Variants in KSR1 observed in about 807,000 individuals in gnomAD.
KSR1 encodes the protein kinase suppressor of ras.
KSR1 carries 35 observed loss-of-function variants against 92.9 expected under a neutral mutation model. The observed-to-expected ratio is 0.38, with a 90% confidence interval of 0.29 to 0.50. The LOEUF is 0.50. Ranked by LOEUF, KSR1 falls within the 20% of genes least tolerant of loss-of-function variation. The pLI is 0.94. For synonymous variants in KSR1, 467 were observed against 472.6 expected (o/e 0.99, Z 0.15); for missense variants, 972 against 1,158.5 (o/e 0.84, Z 2.34).
At chr17:27,487,666 G>GT (rs145920563) in intron 1 of KSR1, among the ~76,000 whole-genome samples, 5,565 of 150,722 alleles carry the variant, frequency 0.037, 271 homozygotes, top group African/African-American at 0.12. Flanking sequence ...AAATTTTATG[G>GT]TTTTTTTTTA....
chr17:27,520,389 G>A (rs1181062002), intron 1 of KSR1, among the ~76,000 whole-genome samples: 2 of 152,196 alleles, frequency 1.3e-5, no homozygotes, highest in Non-Finnish European at 2.9e-5. Context: ...TTATGTGCCT[G>A]TGGAGGGGGA....
chr17:27,504,263 T>C (rs575148872), intron 1 of KSR1, among the ~76,000 whole-genome samples: 1 of 152,334 alleles, frequency 6.6e-6, no homozygotes, highest in East Asian at 1.9e-4. Context: ...TCTGTGAGGC[T>C]GGTCCGCAGT....
intron 18 of KSR1, 86 bp downstream of exon 18, chr17:27,611,715 A>G: frequency 1.3e-6 from 2 of 1,541,806 alleles, no homozygotes; most frequent in South Asian, 1.2e-5. Flanking sequence ...CACCCACCTG[A>G]GAAATGGGGT....
intron 1 of KSR1, among the ~76,000 whole-genome samples, chr17:27,476,819 A>G (rs898520902): frequency 1.3e-5 from 2 of 152,160 alleles, no homozygotes; most frequent in African/African-American, 2.4e-5. Context: ...AGTCCCCTCC[A>G]TGACAGGAAA....
At chr17:27,618,751 C>T (rs1448322545) in intron 19 of KSR1, among the ~76,000 whole-genome samples, 6 of 152,206 alleles carry the variant, frequency 3.9e-5, no homozygotes, top group African/African-American at 7.2e-5. Context: ...GAAAGTGAAT[C>T]GCTTCATCTC....
chr17:27,526,320 C>G (rs1441262828), intron 1 of KSR1: 1 of 1,140,186 alleles, frequency 8.8e-7, no homozygotes, highest in African/African-American at 1.6e-5. Context: ...GGTTACTGAC[C>G]GCAAGTCCAT....
intron 1 of KSR1, among the ~76,000 whole-genome samples, chr17:27,537,885 G>T (rs1429191661): frequency 1.3e-5 from 2 of 152,050 alleles, no homozygotes; most frequent in East Asian, 3.8e-4. Flanking sequence ...AAATAAAAAA[G>T]ATACAACAAT....
At chr17:27,515,406 A>G (rs2069748908) in intron 1 of KSR1, among the ~76,000 whole-genome samples, 1 of 152,140 alleles carries the variant, frequency 6.6e-6, no homozygotes, top group Non-Finnish European at 1.5e-5. Context: ...ACCTAAGGAC[A>G]TGTTTCTCAG....
chr17:27,553,322 G>A (rs1036697587), intron 2 of KSR1, among the ~76,000 whole-genome samples: 27 of 152,214 alleles, frequency 1.8e-4, no homozygotes, highest in African/African-American at 3.1e-4. Flanking sequence ...CTGCACATAC[G>A]GCAGCTCTCA....
intron 12 of KSR1, 91 bp from the exon 13 acceptor site, chr17:27,604,589 C>T: frequency 1.5e-6 from 2 of 1,315,672 alleles, no homozygotes; most frequent in Non-Finnish European, 2.2e-6. Flanking sequence ...GAGTAAGTAC[C>T]TTTGTCTCAG....
intron 18 of KSR1, 23 bp from the exon 19 acceptor site, chr17:27,617,272 A>AC (rs1215758597): frequency 6.3e-7 from 1 of 1,598,068 alleles, no homozygotes; most frequent in Non-Finnish European, 8.6e-7. Flanking sequence ...CTCACACACC[A>AC]CTAATGGCAG....
chr17:27,585,724 A>G, intron 5 of KSR1, 63 bp downstream of exon 5: 2 of 735,926 alleles, frequency 2.7e-6, no homozygotes, highest in Non-Finnish European at 2.5e-6. Context: ...TGCTGTCCCC[A>G]TCGGGGGTGG....
intron 5 of KSR1, 86 bp downstream of exon 5, chr17:27,585,747 C>A (rs950711827): frequency 9.7e-6 from 7 of 722,306 alleles, no homozygotes; most frequent in Non-Finnish European, 1.8e-5. Flanking sequence ...CTCTTTGACC[C>A]ACCTCTTAGC....
At chr17:27,463,493 A>G (rs1236842267) in intron 1 of KSR1, among the ~76,000 whole-genome samples, 1 of 149,790 alleles carries the variant, frequency 6.7e-6, no homozygotes, top group African/African-American at 2.4e-5. Context: ...AAGAGGCTGG[A>G]CATGGTCCTC....
At chr17:27,499,129 G>A (rs1368056802) in intron 1 of KSR1, among the ~76,000 whole-genome samples, 1 of 152,178 alleles carries the variant, frequency 6.6e-6, no homozygotes, top group East Asian at 1.9e-4. Flanking sequence ...AGAGCAAGAG[G>A]AACAAGGGTG....
chr17:27,534,013 A>G (rs2070658369), intron 1 of KSR1, among the ~76,000 whole-genome samples: 1 of 152,168 alleles, frequency 6.6e-6, no homozygotes, highest in South Asian at 2.1e-4. Context: ...AGGTCTGGAG[A>G]GTAGCTCCCC....
chr17:27,589,100 AGTTTGGC>A (rs1166455439), intron 6 of KSR1, among the ~76,000 whole-genome samples: 1 of 152,208 alleles, frequency 6.6e-6, no homozygotes, highest in African/African-American at 2.4e-5. Context: ...CACGCCATGC[AGTTTGGC>A]GTCCCCTGCC....
intron 10 of KSR1, among the ~76,000 whole-genome samples, chr17:27,598,245 G>A (rs754339459): frequency 6.6e-6 from 1 of 152,226 alleles, no homozygotes; most frequent in Non-Finnish European, 1.5e-5. Flanking sequence ...CCCAGAGGAA[G>A]GAAGGTGACT....
At chr17:27,579,696 CA>C (rs1435098892) in intron 3 of KSR1, 2 of 151,540 alleles carry the variant, frequency 1.3e-5, no homozygotes, top group African/African-American at 4.9e-5. Flanking sequence ...GGCAACATGG[CA>C]AAACCCTGTT....
Sources: gnomAD v4.1 joint callset for allele counts (sites outside exome capture counted in the v4.1 genomes callset) on GRCh38, gnomAD v4.1.1 for gene constraint, MANE v1.5 for transcripts, NCBI Gene and HGNC (gene_info 2026-07-23, HGNC 2026-07-21) for gene names.